EYA1: variants seen among roughly 807,000 people sequenced by gnomAD.
EYA1 encodes the protein EYA transcriptional coactivator and phosphatase 1.
Under a neutral mutation model 82.0 loss-of-function variants are expected in EYA1, and 16 were observed. That is an observed-to-expected ratio of 0.20 (90% CI 0.13 to 0.30). EYA1 has a LOEUF of 0.30. Among genes scored for constraint, EYA1 ranks in the 10% least tolerant of loss-of-function variants. EYA1 has a pLI of 1.00. For synonymous variants in EYA1, 261 were observed against 264.4 expected (o/e 0.99, Z 0.12); for missense variants, 633 against 730.7 (o/e 0.87, Z 1.54).
intron 2 of EYA1, among the ~76,000 whole-genome samples, chr8:71,510,349 C>T (rs1453192032): frequency 6.6e-6 from 1 of 152,140 alleles, no homozygotes; most frequent in Non-Finnish European, 1.5e-5. Context: ...TGAGATGTTG[C>T]AGTAAGTCAC....
Position 71,361,790 on chromosome 8 carries a change from T to C in EYA1, c.-198A>G. ...CGCTCTGGTGCAGCCGCGGCGCTTC[T>C]GGGAGTGGAGCGCCTCTGCAGGGGA... On this transcript the variant is annotated 5_prime_UTR_variant, in exon 1 of 18. Coordinates refer to ENST00000340726, the MANE Select transcript of EYA1 (RefSeq NM_000503.6). The C allele has an allele frequency of 1.0e-6, 1 of 985,464 alleles. No individual in the cohort carries two copies. The highest frequency in any genetic ancestry group is 1.2e-6 in the Non-Finnish European group (1 of 829,950). The allele number at this position is 985,464 out of a possible 1,614,324, so 61.0% of individuals were successfully genotyped here. A position where few individuals can be genotyped will look rare whatever the true frequency, so the allele number is the denominator to read the frequency against.
At chr8:71,240,268 CTTTT>C (rs35098983) in intron 12 of EYA1, among the ~76,000 whole-genome samples, 8 of 143,098 alleles carry the variant, frequency 5.6e-5, no homozygotes, top group African/African-American at 1.5e-4. Flanking sequence ...TGCCCCAGGC[CTTTT>C]TTTTTTTTTT....
intron 2 of EYA1, among the ~76,000 whole-genome samples, chr8:71,461,096 T>G (rs1397852729): frequency 2.0e-5 from 3 of 152,096 alleles, no homozygotes; most frequent in Non-Finnish European, 4.4e-5. Flanking sequence ...ATCTTGAGGT[T>G]TTTATGTAAT....
At chr8:71,201,697 C>T (rs1228166871) in intron 17 of EYA1, among the ~76,000 whole-genome samples, 1 of 152,104 alleles carries the variant, frequency 6.6e-6, no homozygotes, top group Non-Finnish European at 1.5e-5. Flanking sequence ...AAGTATGTTC[C>T]ATTCAGCATC....
intron 1 of EYA1, among the ~76,000 whole-genome samples, chr8:71,536,012 T>C (rs1814682780): frequency 6.6e-6 from 1 of 152,220 alleles, no homozygotes; most frequent in Non-Finnish European, 1.5e-5. Flanking sequence ...GCTCACTGTT[T>C]ATCACAATTT....
chr8:71,225,018 C>T (rs1810389803), intron 12 of EYA1: 1 of 218,472 alleles, frequency 4.6e-6, no homozygotes, highest in Middle Eastern at 7.5e-4. Flanking sequence ...TGATTTGGTA[C>T]ATCAAGTGTA....
chr8:71,516,125 T>A (rs1298225047), intron 2 of EYA1, among the ~76,000 whole-genome samples: 1 of 152,004 alleles, frequency 6.6e-6, no homozygotes, highest in Admixed American at 6.6e-5. Context: ...ACAAAGACAG[T>A]TTTTTGGTGC....
chr8:71,228,960 CA>C (rs1810882959), intron 12 of EYA1, among the ~76,000 whole-genome samples: 1 of 152,180 alleles, frequency 6.6e-6, no homozygotes, highest in Admixed American at 6.5e-5. Context: ...CAGTCTCCAA[CA>C]AAGAGCAAAA....
rs140904252 is a variant in EYA1 at position 71,273,710 on chromosome 8, C to T, written c.827-1813G>A. On this transcript the variant is annotated intron_variant, in intron 9 of 17. Coordinates refer to ENST00000340726, the MANE Select transcript of EYA1 (RefSeq NM_000503.6). ...GTTTCGATACCAAGCATTCATTTTACAACCAGTACAGTCACCATCTAATTC... is the reference window on the plus strand; with the variant it reads ...GTTTCGATACCAAGCATTCATTTTATAACCAGTACAGTCACCATCTAATTC... 5.7e-4 allele frequency among the ~76,000 whole-genome samples: 87 copies of T among 152,320 alleles called. No individual in the cohort carries two copies. The East Asian group carries it at 0.013, about 22-fold the overall frequency.
intron 9 of EYA1, among the ~76,000 whole-genome samples, chr8:71,275,129 C>T (rs554440273): frequency 2.2e-4 from 33 of 152,008 alleles, no homozygotes; most frequent in Non-Finnish European, 5.9e-5. Flanking sequence ...GGAGAGGAGA[C>T]TGAGAATGGG....
chr8:71,313,960 A>G (rs1404667743), intron 7 of EYA1, among the ~76,000 whole-genome samples: 1 of 152,228 alleles, frequency 6.6e-6, no homozygotes, highest in Non-Finnish European at 1.5e-5. Flanking sequence ...TTAAATTTGA[A>G]CAGGTAAATC....
chr8:71,505,762 C>A (rs1481180610), intron 2 of EYA1, among the ~76,000 whole-genome samples: 1 of 152,122 alleles, frequency 6.6e-6, no homozygotes, highest in Non-Finnish European at 1.5e-5. Context: ...GCTTTATTAC[C>A]CTTTCCCCAC....
At chr8:71,356,423 G>A (rs1355319697) in intron 2 of EYA1, 39 bp downstream of exon 2, 1 of 1,536,378 alleles carries the variant, frequency 6.5e-7, no homozygotes, top group Non-Finnish European at 8.9e-7. Flanking sequence ...TCACAGAAAG[G>A]TAATCTCCAA....
chr8:71,335,553 T>C (rs183819375), intron 3 of EYA1, among the ~76,000 whole-genome samples: 225 of 152,348 alleles, frequency 1.5e-3, no homozygotes, highest in African/African-American at 5.1e-3. Flanking sequence ...ATGGTGTAAC[T>C]GAAGTTGTAA....
At chr8:71,380,862 G>C (rs1053146012) in intron 2 of EYA1, among the ~76,000 whole-genome samples, 2 of 152,266 alleles carry the variant, frequency 1.3e-5, no homozygotes, top group African/African-American at 4.8e-5. Context: ...CCAAACCCAA[G>C]TCCAGCTGAT....
chr8:71,484,511 G>C (rs1810413364), intron 2 of EYA1, among the ~76,000 whole-genome samples: 1 of 152,136 alleles, frequency 6.6e-6, no homozygotes, highest in African/African-American at 2.4e-5. Context: ...CTATAGTGAG[G>C]AATTCCCCTA....
At chr8:71,313,368 C>T (rs1049540170) in intron 7 of EYA1, among the ~76,000 whole-genome samples, 3 of 152,194 alleles carry the variant, frequency 2.0e-5, no homozygotes, top group Non-Finnish European at 2.9e-5. Context: ...TATTATTACA[C>T]ATATTAAAAT....
At chr8:71,328,615 T>G (rs1823439116) in intron 4 of EYA1, among the ~76,000 whole-genome samples, 1 of 152,190 alleles carries the variant, frequency 6.6e-6, no homozygotes, top group African/African-American at 2.4e-5. Context: ...GAAAACATAT[T>G]TTCATTGTTG....
intron 11 of EYA1, among the ~76,000 whole-genome samples, chr8:71,252,643 C>T (rs1350350801): frequency 6.6e-6 from 1 of 152,096 alleles, no homozygotes; most frequent in Non-Finnish European, 1.5e-5. Context: ...GCTTTTATCA[C>T]CAGGAAAGAT....
Sources: allele counts gnomAD v4.1 joint callset (sites outside exome capture counted in the v4.1 genomes callset), GRCh38; gene constraint gnomAD v4.1.1; transcripts MANE v1.5; gene names NCBI Gene and HGNC (gene_info 2026-07-23, HGNC 2026-07-21).